DDX59: variants seen among roughly 807,000 people sequenced by gnomAD.
The protein encoded by DDX59 is probable ATP-dependent RNA helicase DDX59.
A neutral mutation model predicts 51.9 loss-of-function variants in DDX59; 30 were observed. The observed-to-expected ratio is 0.58, with a 90% CI of 0.43 to 0.78. The LOEUF (loss-of-function observed/expected upper bound fraction) is 0.78. Ranked by LOEUF, DDX59 falls within the 30% of genes least tolerant of loss-of-function variation. The pLI is 0.00. For synonymous variants in DDX59, 255 were observed against 253.3 expected (o/e 1.01, Z -0.06); for missense variants, 672 against 730.8 (o/e 0.92, Z 0.93).
chr1:200,649,180 T>C lies in DDX59; in HGVS notation c.1361A>G (p.Lys454Arg). ...KPPVLVFVDC[K>R]LGADLLSEAV... is the part of the protein sequence containing the mutation. ...TTCACTCAAAAGATCTGCTCCTAGT[T>C]TGCAGTCCACAAATACTAACACTGG... is the stretch of plus-strand genomic sequence containing the variant. Residue 454 changes from lysine to arginine, a missense_variant, in exon 6 of 8, where the codon AAA becomes AGA. By Grantham distance (26) the Lys-to-Arg change is conservative (BLOSUM62 2). Coordinates refer to ENST00000331314, the MANE Select transcript of DDX59 (RefSeq NM_001031725.6). 6.3e-7 allele frequency: 1 copy of C among 1,598,432 alleles called. No individual in the cohort carries two copies. Among genetic ancestry groups the C allele is most frequent in the African/African-American group, 1.4e-5 (1 of 73,936 alleles).
downstream of DDX59, among the ~76,000 whole-genome samples, chr1:200,643,170 C>T (rs965450712): frequency 4.7e-5 from 7 of 150,036 alleles, no homozygotes; most frequent in Non-Finnish European, 1.0e-4. Context: ...CCTGTGGTCC[C>T]AGCTACTTGG....
intron 3 of DDX59, among the ~76,000 whole-genome samples, chr1:200,660,563 T>C (rs746975749): frequency 6.6e-6 from 1 of 151,904 alleles, no homozygotes; most frequent in South Asian, 2.1e-4. Context: ...GTAGGCTACA[T>C]AGAGGAGGAT....
At chr1:200,667,464 C>T (rs929742574) in intron 1 of DDX59, among the ~76,000 whole-genome samples, 4 of 152,164 alleles carry the variant, frequency 2.6e-5, no homozygotes, top group African/African-American at 7.2e-5. Flanking sequence ...TTCTTCCATT[C>T]GCCAGCTTCC....
In DDX59 at chr1:200,649,119, A is replaced by G. The variant is rs754212550; in HGVS notation, c.1422T>C (p.Ser474=). 6.3e-7 allele frequency: 1 copy of G among 1,585,192 alleles called. No individual in the cohort carries two copies. The highest frequency in any genetic ancestry group is 1.4e-5 in the African/African-American group (1 of 72,906). The change falls in exon 6 of 8, where the codon TCT becomes TCC. Residue 474 remains serine, a synonymous_variant. Coordinates refer to ENST00000331314, the MANE Select transcript of DDX59 (RefSeq NM_001031725.6). ...CTATTTGCGACTTCTCTGAATGTATAGATATGCTTTTCAGCCCTGTGATTT... is the reference window on the plus strand; with the variant it reads ...CTATTTGCGACTTCTCTGAATGTATGGATATGCTTTTCAGCCCTGTGATTT... ...VQKITGLKSI[S]IHSEKSQIER...
At chr1:200,651,980 C>T (rs1661692764) in intron 4 of DDX59, among the ~76,000 whole-genome samples, 1 of 142,698 alleles carries the variant, frequency 7.0e-6, no homozygotes, top group Non-Finnish European at 1.5e-5. Flanking sequence ...TGCACTCCAG[C>T]CTGGGCTATA....
chr1:200,645,682 G>A (rs1395773952), intron 7 of DDX59, among the ~76,000 whole-genome samples: 3 of 152,048 alleles, frequency 2.0e-5, no homozygotes, highest in African/African-American at 7.2e-5. Context: ...TTCAAAAGAG[G>A]GGGAAAATAC....
intron 2 of DDX59, among the ~76,000 whole-genome samples, chr1:200,665,621 C>G (rs935134462): frequency 1.2e-4 from 19 of 152,152 alleles, no homozygotes; most frequent in African/African-American, 4.3e-4. Flanking sequence ...GTCTGGTCAG[C>G]TGGATCTTTT....
chr1:200,667,986 A>C (rs1045935276), intron 1 of DDX59, among the ~76,000 whole-genome samples: 1 of 152,198 alleles, frequency 6.6e-6, no homozygotes, highest in African/African-American at 2.4e-5. Flanking sequence ...CACTCAGAAG[A>C]AACTGAGCCA....
chr1:200,659,116 C>T lies in DDX59; in HGVS notation c.973G>A (p.Val325Ile). 1 of 1,610,342 alleles carries T rather than the reference C, an allele frequency of 6.2e-7. No homozygotes were observed. The highest frequency in any genetic ancestry group is 2.2e-5 in the East Asian group (1 of 44,782). Residue 325 changes from valine to isoleucine, a missense_variant and splice_region_variant, in exon 4 of 8, where the codon GTT becomes ATT. By Grantham distance (29) the Val-to-Ile change is conservative (BLOSUM62 3). Coordinates refer to ENST00000331314, the MANE Select transcript of DDX59 (RefSeq NM_001031725.6). ...AGTCGCCCAGGGGTTGCTATGATAA[C>T]CTAAATAAAAGAGAAAAAGCAAATT... ...QLYRLQQHVK[V>I]IIATPGRLLD...
At position 200,667,341 on chromosome 1, in the gene DDX59, C is replaced by A. The variant is rs568008988; in HGVS notation, c.-11-590G>T. Among the ~76,000 whole-genome samples, 5 of 152,286 alleles carry A rather than the reference C, an allele frequency of 3.3e-5. No homozygotes were observed. The South Asian group carries it at 1.0e-3, about 32-fold the overall frequency. ...TCTTGAACCCAGGAGGCGGAGGTTGCGGTGAGCCTAAGACCTCACCATTGC... is the reference window on the plus strand; with the variant it reads ...TCTTGAACCCAGGAGGCGGAGGTTGAGGTGAGCCTAAGACCTCACCATTGC... On this transcript the variant is annotated intron_variant, in intron 1 of 7. Coordinates refer to ENST00000331314, the MANE Select transcript of DDX59 (RefSeq NM_001031725.6).
intron 1 of DDX59, among the ~76,000 whole-genome samples, chr1:200,667,186 C>T (rs984822170): frequency 4.7e-5 from 7 of 148,426 alleles, no homozygotes; most frequent in South Asian, 2.2e-4. Context: ...GGGCAGATCA[C>T]GAGGTCAGGA....
chr1:200,657,584 C>T (rs905010668), intron 4 of DDX59, among the ~76,000 whole-genome samples: 1 of 151,942 alleles, frequency 6.6e-6, no homozygotes, highest in South Asian at 2.1e-4. Flanking sequence ...CCCGTCTCTA[C>T]TAAAAATACA....
downstream of DDX59, among the ~76,000 whole-genome samples, chr1:200,642,731 G>A (rs1345979373): frequency 6.6e-6 from 1 of 152,196 alleles, no homozygotes; most frequent in African/African-American, 2.4e-5. Flanking sequence ...CTCCCCTATT[G>A]GGTATTTGAC....
intron 3 of DDX59, among the ~76,000 whole-genome samples, chr1:200,659,390 G>T (rs1163713339): frequency 6.6e-6 from 1 of 152,180 alleles, no homozygotes; most frequent in Non-Finnish European, 1.5e-5. Context: ...AAACCTAAAG[G>T]ATGAGTGGGC....
chr1:200,657,221 A>G (rs867200417), intron 4 of DDX59, among the ~76,000 whole-genome samples: 1 of 135,114 alleles, frequency 7.4e-6, no homozygotes, highest in Admixed American at 8.5e-5. Context: ...ATTGTACTCC[A>G]GTCTGGGTGA....
intron 7 of DDX59, 46 bp downstream of exon 7, chr1:200,648,393 A>G (rs746039101): frequency 1.2e-6 from 2 of 1,607,408 alleles, no homozygotes; most frequent in Non-Finnish European, 1.7e-6. Flanking sequence ...TGCCTTTCCC[A>G]ATAAAACTCG....
At chr1:200,656,489 T>A (rs1417787850) in intron 4 of DDX59, among the ~76,000 whole-genome samples, 2 of 152,228 alleles carry the variant, frequency 1.3e-5, no homozygotes, top group East Asian at 3.8e-4. Flanking sequence ...TCCAAACTTA[T>A]CCAGAATTGG....
chr1:200,657,247 T>C (rs1662084585), intron 4 of DDX59, among the ~76,000 whole-genome samples: 1 of 19,254 alleles, frequency 5.2e-5, no homozygotes, highest in African/African-American at 2.0e-4. Flanking sequence ...GGAAACTGTC[T>C]ACAAAAAAAA....
chr1:200,669,226 TAATA>T (rs1345638137), intron 1 of DDX59, among the ~76,000 whole-genome samples: 1 of 152,238 alleles, frequency 6.6e-6, no homozygotes. Context: ...TCAAATATAC[TAATA>T]AATATTTTTC....
Sources: allele counts gnomAD v4.1 joint callset (sites outside exome capture counted in the v4.1 genomes callset), GRCh38; gene constraint gnomAD v4.1.1; transcripts MANE v1.5; gene names NCBI Gene and HGNC (gene_info 2026-07-23, HGNC 2026-07-21).